ATP10D: variants seen among roughly 807,000 people sequenced by gnomAD.
The protein encoded by ATP10D is phospholipid-transporting ATPase VD.
A neutral mutation model predicts 144.8 loss-of-function variants in ATP10D; 89 were observed. That is an observed-to-expected ratio of 0.61 (90% CI 0.52 to 0.73). The LOEUF is 0.73. Ranked by LOEUF, ATP10D falls within the 30% of genes least tolerant of loss-of-function variation. ATP10D has a pLI of 0.00. For synonymous variants in ATP10D, 571 were observed against 615.1 expected, an observed-to-expected ratio of 0.93 and a Z score of 1.06; for missense variants, 1,603 against 1,714.8, an observed-to-expected ratio of 0.93 and a Z score of 1.15.
At chr4:47,528,933 T>A (rs2109416933) in intron 5 of ATP10D, among the ~76,000 whole-genome samples, 1 of 152,278 alleles carries the variant, frequency 6.6e-6, no homozygotes, top group South Asian at 2.1e-4. Flanking sequence ...TTTCTTATGC[T>A]TGTTGGCCTC....
intron 1 of ATP10D, chr4:47,491,196 A>T: frequency 2.7e-6 from 2 of 752,386 alleles, no homozygotes; most frequent in South Asian, 2.7e-5. Flanking sequence ...CAATATGCAC[A>T]TTAATTCTCT....
intron 6 of ATP10D, 31 bp from the exon 7 acceptor site, chr4:47,535,871 C>T (rs1309922903): frequency 6.3e-7 from 1 of 1,588,860 alleles, no homozygotes; most frequent in African/African-American, 1.4e-5. Context: ...TTAATTTGTA[C>T]ATTTTCTATC....
chr4:47,546,420 A>G (rs542422369), intron 9 of ATP10D, among the ~76,000 whole-genome samples: 2 of 152,320 alleles, frequency 1.3e-5, no homozygotes, highest in Non-Finnish European at 2.9e-5. Flanking sequence ...TTGACGATGG[A>G]AAAAGAAGGG....
At chr4:47,547,898 A>T (rs1349556326) in intron 10 of ATP10D, among the ~76,000 whole-genome samples, 1 of 152,228 alleles carries the variant, frequency 6.6e-6, no homozygotes, top group African/African-American at 2.4e-5. Context: ...ATTATATTAT[A>T]TCTTAGCCAT....
At chr4:47,496,597 A>G (rs1399005125) in intron 1 of ATP10D, among the ~76,000 whole-genome samples, 1 of 152,208 alleles carries the variant, frequency 6.6e-6, no homozygotes, top group African/African-American at 2.4e-5. Flanking sequence ...ATATGAATGT[A>G]TGCCTTCATT....
intron 3 of ATP10D, among the ~76,000 whole-genome samples, chr4:47,519,250 C>T (rs1390236281): frequency 2.0e-5 from 3 of 152,194 alleles, no homozygotes; most frequent in African/African-American, 7.2e-5. Flanking sequence ...CAGCTCCCAT[C>T]CTAGTGGAAT....
At chr4:47,547,056 A>G (rs971305256) in intron 10 of ATP10D, 194 bp downstream of exon 10, 3 of 601,892 alleles carry the variant, frequency 5.0e-6, no homozygotes, top group Non-Finnish European at 8.7e-6. Flanking sequence ...CTTTTAAAAA[A>G]TAACTCAATG....
intron 7 of ATP10D, 151 bp downstream of exon 7, chr4:47,536,184 C>T (rs983524616): frequency 2.9e-5 from 32 of 1,103,272 alleles, no homozygotes; most frequent in Non-Finnish European, 1.4e-5. Flanking sequence ...ATCCTTTAGC[C>T]TGAAAAATAT....
At position 47,546,441 on chromosome 4, in the gene ATP10D, T is replaced by G. The variant is rs547562931; in HGVS notation, c.1397-183T>G. On this transcript the variant is annotated intron_variant, in intron 9 of 22. Transcript: ENST00000273859. ...ATGGAAAAAGAAGGGAATTTTGATCTGATTGCTTCTCAGTGAGGTATAAGG... is the reference window on the plus strand; with the variant it reads ...ATGGAAAAAGAAGGGAATTTTGATCGGATTGCTTCTCAGTGAGGTATAAGG... 1.9e-4 allele frequency among the ~76,000 whole-genome samples: 29 copies of G among 152,280 alleles called. 1 individual carries two copies. Among genetic ancestry groups the G allele is most frequent in the Admixed American group, 1.8e-3 (28 of 15,306 alleles).
chr4:47,560,894 A>T, intron 13 of ATP10D, 55 bp from the exon 14 acceptor site: 1 of 1,607,484 alleles, frequency 6.2e-7, no homozygotes, highest in Non-Finnish European at 8.5e-7. Flanking sequence ...CAGTCCTGGT[A>T]TTCCCACAAG....
intron 2 of ATP10D, among the ~76,000 whole-genome samples, chr4:47,513,479 G>C (rs1270111574): frequency 2.6e-5 from 4 of 152,184 alleles, no homozygotes; most frequent in African/African-American, 9.7e-5. Flanking sequence ...GCCTCAAAAA[G>C]AGAAATAATA....
At chr4:47,532,842 G>A (rs571614857) in intron 5 of ATP10D, among the ~76,000 whole-genome samples, 9 of 152,040 alleles carry the variant, frequency 5.9e-5, no homozygotes, top group Non-Finnish European at 7.4e-5. Context: ...CTTAGACCAC[G>A]GGAGTCCAGA....
intron 15 of ATP10D, among the ~76,000 whole-genome samples, chr4:47,564,997 A>G (rs1719533760): frequency 6.6e-6 from 1 of 152,194 alleles, no homozygotes; most frequent in Admixed American, 6.5e-5. Context: ...GTTTTGAGGC[A>G]GCCCAGGCTG....
At chr4:47,531,586 C>A (rs555515706) in intron 5 of ATP10D, among the ~76,000 whole-genome samples, 3 of 152,260 alleles carry the variant, frequency 2.0e-5, no homozygotes, top group South Asian at 4.1e-4. Flanking sequence ...TTAGAAAAGT[C>A]CTTCCATGGA....
chr4:47,585,125 C>A (rs1364662092), intron 21 of ATP10D, among the ~76,000 whole-genome samples: 5 of 152,050 alleles, frequency 3.3e-5, no homozygotes, highest in Non-Finnish European at 7.4e-5. Flanking sequence ...CCGATTATAT[C>A]AAAGAGGTAT....
intron 1 of ATP10D, chr4:47,490,906 T>C: frequency 2.3e-6 from 1 of 440,138 alleles, no homozygotes; most frequent in East Asian, 5.3e-5. Flanking sequence ...TTCAATGTAT[T>C]GTTCACACTT....
chr4:47,551,462 T>G (rs918684009), intron 10 of ATP10D, among the ~76,000 whole-genome samples: 1 of 152,190 alleles, frequency 6.6e-6, no homozygotes, highest in African/African-American at 2.4e-5. Flanking sequence ...TTGAGCCCAG[T>G]GGGAGGTAAT....
At chr4:47,558,785 A>G in intron 12 of ATP10D, 138 bp from the exon 13 acceptor site, 1 of 671,712 alleles carries the variant, frequency 1.5e-6, no homozygotes, top group South Asian at 1.9e-5. Context: ...TCCCTTTTAC[A>G]GATACCCATT....
intron 10 of ATP10D, among the ~76,000 whole-genome samples, chr4:47,554,099 A>G (rs544373769): frequency 6.6e-6 from 1 of 152,242 alleles, no homozygotes; most frequent in Non-Finnish European, 1.5e-5. Flanking sequence ...CATTTTTTCA[A>G]TAACAACTTC....
Sources: allele counts gnomAD v4.1 joint callset (sites outside exome capture counted in the v4.1 genomes callset), GRCh38; gene constraint gnomAD v4.1.1; transcripts MANE v1.5; gene names NCBI Gene and HGNC (gene_info 2026-07-23, HGNC 2026-07-21).